Variants in CR1 observed in about 807,000 individuals in gnomAD.
The protein encoded by CR1 is complement C3b/C4b receptor 1 (Knops blood group), also known as complement receptor type 1.
In CR1, 116 loss-of-function variants were observed where a neutral mutation model predicts 187.3. That is an observed-to-expected ratio of 0.62 (90% CI 0.53 to 0.72). The LOEUF (loss-of-function observed/expected upper bound fraction) is 0.72. CR1 is among the 30% of genes least tolerant of loss of function. CR1 has a pLI of 0.00. For missense variants in CR1, 1,731 were observed against 2,110.7 expected (o/e 0.82, Z 3.52); for synonymous variants, 576 against 747.1 (o/e 0.77, Z 3.73).
In CR1 at chr1:207,629,127, A is replaced by C. The variant is rs113895824; in HGVS notation, c.7353-1390A>C. ...TCATCAGTGAGGAATAATACTGGTT[A>C]GACTTCTTCATTCAGAGCCCATTAT... On this transcript the variant is annotated intron_variant, in intron 45 of 46. Transcript: ENST00000367049. 8.0e-3 allele frequency among the ~76,000 whole-genome samples: 1,213 copies of C among 152,342 alleles called. 11 individuals are homozygous for C. The highest frequency in any genetic ancestry group is 0.028 in the African/African-American group (1,166 of 41,572).
intron 1 of CR1, among the ~76,000 whole-genome samples, chr1:207,502,872 G>A (rs138677054): frequency 6.6e-6 from 1 of 152,312 alleles, no homozygotes; most frequent in African/African-American, 2.4e-5. Context: ...TGGAGCTCAT[G>A]AGATGCAGAT....
Position 207,609,731 on chromosome 1 carries a change from T to C in CR1, c.6295+43T>C, listed in dbSNP as rs769903217. 5 of 1,501,276 alleles carry C rather than the reference T, an allele frequency of 3.3e-6. No homozygotes were observed. The Admixed American group carries it at 1.2e-4, about 36-fold the overall frequency. 93.0% of individuals were successfully genotyped at this position (1,501,276 alleles called of 1,614,324 possible). ...AGACTTTGCTGGGTGTGAGGGTACG[T>C]ATAGATGATAGGAGTTGTTGAAATT... On this transcript the variant is annotated intron_variant, in intron 37 of 46. Coordinates refer to ENST00000367049, the MANE Select transcript of CR1 (RefSeq NM_000651.6).
intron 24 of CR1, 99 bp downstream of exon 24, chr1:207,566,022 C>T (rs1269844865): frequency 6.8e-7 from 1 of 1,460,998 alleles, no homozygotes; most frequent in Admixed American, 1.9e-5. Context: ...ATATTCTAGT[C>T]TTAATTATCG....
chr1:207,556,648 C>CATATATATATATAT (rs1404002868), intron 19 of CR1, among the ~76,000 whole-genome samples: 64 of 38,172 alleles, frequency 1.7e-3, no homozygotes, highest in Non-Finnish European at 2.1e-3. Context: ...TGATCTATAT[C>CATATATATATATAT]ATATATATAT....
intron 46 of CR1, among the ~76,000 whole-genome samples, chr1:207,633,012 G>C (rs1172165794): frequency 1.3e-5 from 2 of 152,110 alleles, no homozygotes; most frequent in Admixed American, 6.6e-5. Flanking sequence ...CAGACTGGAA[G>C]AACAACAACC....
intron 4 of CR1, among the ~76,000 whole-genome samples, chr1:207,523,135 T>C (rs2102306191): frequency 6.6e-6 from 1 of 152,336 alleles, no homozygotes; most frequent in African/African-American, 2.4e-5. Flanking sequence ...TACAGTTTTA[T>C]AAATATTCTC....
chr1:207,598,129 T>C (rs755089120), intron 35 of CR1, among the ~76,000 whole-genome samples: 2 of 152,176 alleles, frequency 1.3e-5, no homozygotes, highest in Admixed American at 6.5e-5. Context: ...CAGTTTCTCA[T>C]TGGGATGGTG....
At chr1:207,518,235 T>G (rs1210561715) in intron 4 of CR1, among the ~76,000 whole-genome samples, 1 of 152,238 alleles carries the variant, frequency 6.6e-6, no homozygotes, top group African/African-American at 2.4e-5. Flanking sequence ...GCTTAATTTC[T>G]AAATATTTAG....
chr1:207,636,507 C>G (rs1662817984), intron 46 of CR1, among the ~76,000 whole-genome samples: 1 of 152,132 alleles, frequency 6.6e-6, no homozygotes, highest in Non-Finnish European at 1.5e-5. Flanking sequence ...AGTTCATAAG[C>G]CTGTCTCCCA....
intron 33 of CR1, among the ~76,000 whole-genome samples, chr1:207,587,011 G>A (rs1661130804): frequency 6.6e-6 from 1 of 152,200 alleles, no homozygotes; most frequent in South Asian, 2.1e-4. Flanking sequence ...AGTATGGAGA[G>A]AGATGATAAA....
intron 46 of CR1, among the ~76,000 whole-genome samples, chr1:207,636,132 G>A (rs1360183800): frequency 6.6e-6 from 1 of 151,862 alleles, no homozygotes; most frequent in Non-Finnish European, 1.5e-5. Flanking sequence ...GATGGTTGCT[G>A]TCTCTTTGGA....
chr1:207,597,042 C>T (rs1266923330), intron 35 of CR1, among the ~76,000 whole-genome samples: 3 of 146,174 alleles, frequency 2.1e-5, no homozygotes, highest in Non-Finnish European at 3.0e-5. Context: ...TATTTTATAT[C>T]AATAAAAATA....
At chr1:207,517,231 A>C (rs1473139915) in intron 4 of CR1, among the ~76,000 whole-genome samples, 4 of 152,064 alleles carry the variant, frequency 2.6e-5, no homozygotes, top group African/African-American at 9.7e-5. Flanking sequence ...GAATAAACCT[A>C]TGTTGCTTGT....
intron 24 of CR1, 21 bp downstream of exon 24, chr1:207,565,944 T>C (rs757088620): frequency 6.2e-7 from 1 of 1,610,702 alleles, no homozygotes; most frequent in Non-Finnish European, 8.5e-7. Flanking sequence ...GGAGCAACAT[T>C]TCAGGCCAAT....
In CR1 at chr1:207,584,665, T is replaced by C; in HGVS notation, c.5319T>C (p.Asn1773=). The C allele has an allele frequency of 6.2e-7, 1 of 1,613,626 alleles. No individual in the cohort carries two copies. The highest frequency in any genetic ancestry group is 8.5e-7 in the Non-Finnish European group (1 of 1,179,608). ...TCTTTCTAGATATCTTTTGTCCAAA[T>C]CCTCCAGCTATCCTTAATGGGAGAC... is the stretch of plus-strand genomic sequence containing the variant. ...VPVCEHIFCP[N]PPAILNGRHT... The change falls in exon 33 of 47, where the codon AAT becomes AAC. Residue 1773 remains asparagine (N), a synonymous_variant. Coordinates refer to ENST00000367049, the MANE Select transcript of CR1 (RefSeq NM_000651.6).
chr1:207,597,601 G>T (rs771415771), intron 35 of CR1, among the ~76,000 whole-genome samples: 1 of 152,188 alleles, frequency 6.6e-6, no homozygotes, highest in African/African-American at 2.4e-5. Flanking sequence ...GAAATAAAAG[G>T]TGTTGGCGAG....
chr1:207,578,323 G>T, intron 29 of CR1, 120 bp downstream of exon 29: 1 of 1,570,292 alleles, frequency 6.4e-7, no homozygotes, highest in Non-Finnish European at 8.6e-7. Context: ...AGTAAGTTTT[G>T]GGGGAAGAAG....
chr1:207,620,400 C>T (rs952406377), intron 43 of CR1, among the ~76,000 whole-genome samples: 2 of 152,180 alleles, frequency 1.3e-5, no homozygotes, highest in Admixed American at 6.5e-5. Context: ...AGAGAGCAGC[C>T]GGCCTGTCTC....
intron 5 of CR1, among the ~76,000 whole-genome samples, chr1:207,525,974 A>T (rs1038382303): frequency 6.6e-6 from 1 of 152,128 alleles, no homozygotes; most frequent in Admixed American, 6.5e-5. Context: ...TTTCCATTTT[A>T]TAACAGTTTT....
Sources: allele counts gnomAD v4.1 joint callset (sites outside exome capture counted in the v4.1 genomes callset), GRCh38; gene constraint gnomAD v4.1.1; transcripts MANE v1.5; gene names NCBI Gene and HGNC (gene_info 2026-07-23, HGNC 2026-07-21).